Variants in DLG2 observed in about 807,000 individuals in gnomAD.
The protein encoded by DLG2 is discs large MAGUK scaffold protein 2, also known as disks large homolog 2.
DLG2 carries 45 observed loss-of-function variants against 132.5 expected under a neutral mutation model. That is an observed-to-expected ratio of 0.34 (90% CI 0.27 to 0.44). The LOEUF is 0.44. Among genes scored for constraint, DLG2 ranks in the 20% least tolerant of loss-of-function variants. DLG2 has a pLI of 1.00. For synonymous variants in DLG2, 424 were observed against 419.6 expected (o/e 1.01, Z -0.13); for missense variants, 1,045 against 1,196.9 (o/e 0.87, Z 1.87).
intron 6 of DLG2, among the ~76,000 whole-genome samples, chr11:84,634,535 G>A (rs1217126746): frequency 3.3e-5 from 5 of 152,106 alleles, no homozygotes; most frequent in African/African-American, 1.2e-4. Flanking sequence ...CAATCCAGCT[G>A]TTTCTGCACC....
intron 19 of DLG2, among the ~76,000 whole-genome samples, chr11:83,583,198 A>C (rs1454025244): frequency 6.6e-6 from 1 of 152,272 alleles, no homozygotes; most frequent in Non-Finnish European, 1.5e-5. Flanking sequence ...TTGGCAAAAG[A>C]CAAAAAATAT....
intron 8 of DLG2, among the ~76,000 whole-genome samples, chr11:84,249,080 C>A (rs565753538): frequency 8.5e-5 from 13 of 152,320 alleles, no homozygotes; most frequent in Admixed American, 5.2e-4. Flanking sequence ...ATGAGGATAT[C>A]TGGCAGTTAC....
chr11:85,463,438 A>C lies in DLG2; in HGVS notation c.40+135219T>G, dbSNP rs944379561. Among the ~76,000 whole-genome samples, 4 of 152,328 alleles carry C rather than the reference A, an allele frequency of 2.6e-5. No individual in the cohort carries two copies. The East Asian group carries it at 7.7e-4, about 29-fold the overall frequency. Reference sequence around the variant, plus strand: ...TAGTACACCACACAAGAAGAAGGAGAGATAAAAGGAAGATAATAGAAATAA... The same window carrying C: ...TAGTACACCACACAAGAAGAAGGAGCGATAAAAGGAAGATAATAGAAATAA... On this transcript the variant is annotated intron_variant, in intron 3 of 27. Transcript: ENST00000376104.
intron 6 of DLG2, among the ~76,000 whole-genome samples, chr11:84,550,597 T>C (rs573078016): frequency 1.3e-5 from 2 of 152,308 alleles, no homozygotes; most frequent in Admixed American, 6.5e-5. Flanking sequence ...AAGGATGAGA[T>C]CAGTTACCCA....
chr11:83,979,072 T>A (rs980606857), intron 12 of DLG2, among the ~76,000 whole-genome samples: 5 of 152,106 alleles, frequency 3.3e-5, no homozygotes, highest in African/African-American at 1.2e-4. Context: ...TAAAAGAACA[T>A]GGAACTTAGT....
At chr11:84,712,190 C>G (rs2060526267) in intron 6 of DLG2, among the ~76,000 whole-genome samples, 1 of 152,060 alleles carries the variant, frequency 6.6e-6, no homozygotes, top group Non-Finnish European at 1.5e-5. Context: ...TGAGCTCTTT[C>G]AGTATTCTGA....
chr11:85,307,970 C>T (rs1431487174), intron 3 of DLG2, among the ~76,000 whole-genome samples: 1 of 151,976 alleles, frequency 6.6e-6, no homozygotes, highest in Non-Finnish European at 1.5e-5. Flanking sequence ...GCCTGGCCAA[C>T]ATGGTGAAAC....
chr11:84,181,704 T>C (rs186923560), intron 8 of DLG2, among the ~76,000 whole-genome samples: 10 of 152,208 alleles, frequency 6.6e-5, no homozygotes, highest in Admixed American at 1.3e-4. Flanking sequence ...ATAATAACAC[T>C]AATCAAAAGA....
At chr11:83,934,314 G>A (rs1390074948) in intron 14 of DLG2, among the ~76,000 whole-genome samples, 1 of 152,144 alleles carries the variant, frequency 6.6e-6, no homozygotes, top group Non-Finnish European at 1.5e-5. Flanking sequence ...TAATTACATA[G>A]TACCTGAGAC....
At chr11:84,363,512 T>TA (rs758512915) in intron 7 of DLG2, among the ~76,000 whole-genome samples, 19 of 152,050 alleles carry the variant, frequency 1.2e-4, no homozygotes, top group Non-Finnish European at 2.8e-4. Context: ...CTCTTTAGTT[T>TA]AATTAGATCC....
chr11:83,497,491 C>T (rs1346496573), intron 21 of DLG2, among the ~76,000 whole-genome samples: 1 of 151,798 alleles, frequency 6.6e-6, no homozygotes, highest in Non-Finnish European at 1.5e-5. Flanking sequence ...GCCGAGATCA[C>T]ACCATTGCAC....
At chr11:85,517,641 A>G (rs2094195578) in intron 3 of DLG2, among the ~76,000 whole-genome samples, 2 of 151,534 alleles carry the variant, frequency 1.3e-5, no homozygotes, top group Admixed American at 1.3e-4. Context: ...ACAGGGTCTC[A>G]CTCTGTCACC....
intron 4 of DLG2, among the ~76,000 whole-genome samples, chr11:85,203,343 A>G (rs1176511693): frequency 6.6e-6 from 1 of 151,990 alleles, no homozygotes; most frequent in Non-Finnish European, 1.5e-5. Context: ...AGAGCCATAT[A>G]AACAAAATTA....
In DLG2 at chr11:83,819,863, C is replaced by T. The variant is rs940217690; in HGVS notation, c.1722+13751G>A. On this transcript the variant is annotated intron_variant, in intron 17 of 27. Transcript: ENST00000376104. ...AAGGAGTAACATTTCTCATTTTGAGCTTTCTCAAGAAATCTTGGCTATCAG... is the reference window on the plus strand; with the variant it reads ...AAGGAGTAACATTTCTCATTTTGAGTTTTCTCAAGAAATCTTGGCTATCAG... Among the ~76,000 whole-genome samples, 158 of 152,236 alleles carry T rather than the reference C, an allele frequency of 1.0e-3. 1 individual carries two copies. The highest frequency in any genetic ancestry group is 3.6e-3 in the African/African-American group (151 of 41,558).
chr11:84,462,942 G>A (rs562611178), intron 7 of DLG2, among the ~76,000 whole-genome samples: 2 of 151,210 alleles, frequency 1.3e-5, no homozygotes, highest in South Asian at 2.1e-4. Context: ...TTTTAACAAC[G>A]TAAGAGCTAG....
At chr11:85,577,825 T>C (rs1056744060) in intron 3 of DLG2, among the ~76,000 whole-genome samples, 4 of 152,066 alleles carry the variant, frequency 2.6e-5, no homozygotes, top group African/African-American at 4.8e-5. Context: ...CCAAAGCAAC[T>C]TATACATTCA....
intron 3 of DLG2, among the ~76,000 whole-genome samples, chr11:85,482,080 G>A (rs2093308962): frequency 6.7e-6 from 1 of 150,160 alleles, no homozygotes; most frequent in Admixed American, 6.6e-5. Flanking sequence ...CAACCCCAAG[G>A]CCAGGCCAGC....
At chr11:84,580,636 C>T (rs1385526390) in intron 6 of DLG2, among the ~76,000 whole-genome samples, 2 of 152,176 alleles carry the variant, frequency 1.3e-5, no homozygotes, top group African/African-American at 4.8e-5. Flanking sequence ...AGCTCTGTCT[C>T]CTCGTATTTT....
rs61689297 is a variant in DLG2, at chr11:85,173,507, C to T, written c.187-18856G>A. Among the ~76,000 whole-genome samples the T allele has an allele frequency of 3.8e-3, 575 of 152,258 alleles. 3 individuals are homozygous for T. Among genetic ancestry groups the T allele is most frequent in the African/African-American group, 0.013 (549 of 41,546 alleles). On this transcript the variant is annotated intron_variant, in intron 4 of 27. Coordinates refer to ENST00000376104, the MANE Select transcript of DLG2 (RefSeq NM_001142699.3). ...ATGGAAAGGAAAAACCCATTACCAG[C>T]AACAACTACAAAAACACACTGAAGT...
Sources: gnomAD v4.1 joint callset for allele counts (sites outside exome capture counted in the v4.1 genomes callset) on GRCh38, gnomAD v4.1.1 for gene constraint, MANE v1.5 for transcripts, NCBI Gene and HGNC (gene_info 2026-07-23, HGNC 2026-07-21) for gene names.